The following HSPH1 variants were observed in gnomAD, a reference collection of about 807,000 sequenced individuals.
HSPH1 encodes the protein heat shock protein 105 kDa.
A neutral mutation model predicts 100.0 loss-of-function variants in HSPH1; 40 were observed. That is an observed-to-expected ratio of 0.40 (90% CI 0.31 to 0.52). HSPH1 has a LOEUF of 0.52. HSPH1 is among the 20% of genes least tolerant of loss of function. HSPH1 has a pLI of 0.54. For synonymous variants in HSPH1, 403 were observed against 344.0 expected (o/e 1.17, Z -1.90); for missense variants, 876 against 1,015.1 (o/e 0.86, Z 1.86).
chr13:31,155,526 T>G lies in HSPH1; in HGVS notation c.294A>C (p.Gly98=). ...SYDLVPLKNG[G]VGIKVMYMGE... is the part of the protein sequence containing the mutation. Reference sequence around the variant, plus strand: ...TCAATTATATTACCTTTATTCCAACTCCACCATTTTTCAATGGAACCAAAT... The same window carrying G: ...TCAATTATATTACCTTTATTCCAACGCCACCATTTTTCAATGGAACCAAAT... Residue 98 remains glycine, a synonymous_variant, in exon 3 of 18, where the codon GGA becomes GGC. Coordinates refer to ENST00000320027, the MANE Select transcript of HSPH1 (RefSeq NM_006644.4). 1 of 1,610,226 alleles carries G rather than the reference T, an allele frequency of 6.2e-7. No individual in the cohort carries two copies. Among genetic ancestry groups the G allele is most frequent in the Non-Finnish European group, 8.5e-7 (1 of 1,178,042 alleles).
At chr13:31,162,112 T>TC (rs1956947539), upstream of HSPH1, 5 of 1,535,226 alleles carry the variant, frequency 3.3e-6, no homozygotes, top group Admixed American at 9.8e-5. Context: ...ACAGGGCCGC[T>TC]CCCGTGCCAT....
chr13:31,159,931 G>A (rs1425612696), intron 1 of HSPH1, among the ~76,000 whole-genome samples: 1 of 151,932 alleles, frequency 6.6e-6, no homozygotes, highest in African/African-American at 2.4e-5. Flanking sequence ...CCATACACTT[G>A]CAGAATGGAT....
chr13:31,149,920 T>G, intron 8 of HSPH1, 34 bp downstream of exon 8: 1 of 1,539,858 alleles, frequency 6.5e-7, no homozygotes, highest in Non-Finnish European at 9.0e-7. Flanking sequence ...GTTTAAAGAC[T>G]GTACACCAAG....
intron 2 of HSPH1, among the ~76,000 whole-genome samples, chr13:31,155,898 T>C (rs1956670400): frequency 6.6e-6 from 1 of 152,170 alleles, no homozygotes; most frequent in Admixed American, 6.5e-5. Flanking sequence ...CAAAATAGTG[T>C]GACGACAGAC....
chr13:31,135,780 G>A lies in HSPH1; in HGVS notation c.*1538C>T, dbSNP rs555241515. 1.2e-4 allele frequency: 19 copies of A among 152,318 alleles called. No individual in the cohort carries two copies. The highest frequency in any genetic ancestry group is 6.5e-4 in the Admixed American group (10 of 15,292). 9.4% of individuals were successfully genotyped at this position (152,318 alleles called of 1,614,324 possible). ...CCTCATAGTTTGAAGATATTACTCC[G>A]TGATGTGTGGAGCACAGAGTAGCTA... On this transcript the variant is annotated 3_prime_UTR_variant, in exon 18 of 18. Transcript: ENST00000320027.
chr13:31,145,729 C>G lies in HSPH1; in HGVS notation c.1418G>C (p.Gly473Ala). ...VVQNVSAQKD[G>A]EKSRVKVKVR... ...TTTGACTTTTACTCTAGATTTTTCTCCATCTTTCTGTGCAGAAACATTCTG... is the reference window on the plus strand; with the variant it reads ...TTTGACTTTTACTCTAGATTTTTCTGCATCTTTCTGTGCAGAAACATTCTG... The change falls in exon 11 of 18, where the codon GGA (glycine) becomes GCA (alanine). Residue 473 changes from glycine to alanine, a missense_variant. Coordinates refer to ENST00000320027, the MANE Select transcript of HSPH1 (RefSeq NM_006644.4). 1 of 1,613,580 alleles carries G rather than the reference C, an allele frequency of 6.2e-7. No individual in the cohort carries two copies. Among genetic ancestry groups the G allele is most frequent in the South Asian group, 1.1e-5 (1 of 91,082 alleles).
intron 3 of HSPH1, 142 bp downstream of exon 3, chr13:31,155,372 C>G (rs1265254988): frequency 1.7e-6 from 1 of 579,480 alleles, no homozygotes; most frequent in Non-Finnish European, 3.0e-6. Flanking sequence ...CGTCTATCTA[C>G]TATACTTTAA....
At chr13:31,141,581 G>T (rs561510760) in intron 12 of HSPH1, among the ~76,000 whole-genome samples, 2 of 152,064 alleles carry the variant, frequency 1.3e-5, no homozygotes, top group South Asian at 4.1e-4. Context: ...GTCAAAAAGT[G>T]AAAATTACTA....
At chr13:31,145,261 C>G (rs1352594304) in intron 11 of HSPH1, among the ~76,000 whole-genome samples, 1 of 152,102 alleles carries the variant, frequency 6.6e-6, no homozygotes, top group Admixed American at 6.6e-5. Context: ...AGTCAACATT[C>G]GACTTCTCAA....
At position 31,140,317 on chromosome 13, in the gene HSPH1, G is replaced by A. The variant is rs766667127; in HGVS notation, c.1855-8C>T. On this transcript the variant is annotated splice_polypyrimidine_tract_variant and splice_region_variant and intron_variant, in intron 13 of 17. Coordinates refer to ENST00000320027, the MANE Select transcript of HSPH1 (RefSeq NM_006644.4). ...TTGCATTATCATCTTACCCTGTCAG[G>A]AAACAGGAAAGGTTAATTCCAGTCT... 2.5e-6 allele frequency: 4 copies of A among 1,605,684 alleles called. No homozygotes were observed. The highest frequency in any genetic ancestry group is 3.4e-6 in the Non-Finnish European group (4 of 1,176,458).
At chr13:31,144,260 AT>A (rs1402545928) in intron 11 of HSPH1, among the ~76,000 whole-genome samples, 1 of 152,174 alleles carries the variant, frequency 6.6e-6, no homozygotes, top group Non-Finnish European at 1.5e-5. Flanking sequence ...CTGGAAATAG[AT>A]TACTCCAGGC....
At position 31,155,593 on chromosome 13, in the gene HSPH1, T is replaced by A; in HGVS notation, c.227A>T (p.Asn76Ile). 3.1e-6 allele frequency: 5 copies of A among 1,611,738 alleles called. No individual in the cohort carries two copies. Among genetic ancestry groups the A allele is most frequent in the Non-Finnish European group, 4.2e-6 (5 of 1,178,194 alleles). The stretch of plus-strand genomic sequence containing the variant: ...CTTCTCCTTTTGAATGAAGGGGTCA[T>A]TGAATGCTCGGCCATGAAATCTTTT... ...NFKRFHGRAF[N>I]DPFIQKEKEN... Residue 76 changes from asparagine (N) to isoleucine (I), a missense_variant, in exon 3 of 18, where the codon AAT becomes ATT. By Grantham distance (149) the Asn-to-Ile change is moderately radical. Coordinates refer to ENST00000320027, the MANE Select transcript of HSPH1 (RefSeq NM_006644.4).
rs1354249908 is a variant in HSPH1, at chr13:31,137,406, T to C, written c.2489A>G (p.Asp830Gly). Residue 830 changes from aspartate to glycine, a missense_variant, in exon 18 of 18, where the codon GAC (aspartate) becomes GGC (glycine). Asp to Gly is a moderately conservative substitution (Grantham distance 94). Transcript: ENST00000320027. ...AGGTTCAGCACCAAAATTGTTTTTG[T>C]CTTCTAAATCTTCTTCCTTTTTATC... ...NIDKKEEDLE[D>G]KNNFGAEPPH... is the part of the protein sequence containing the mutation. 1 of 1,613,520 alleles carries C rather than the reference T, an allele frequency of 6.2e-7. No individual in the cohort carries two copies. Among genetic ancestry groups the C allele is most frequent in the African/African-American group, 1.3e-5 (1 of 75,000 alleles).
chr13:31,154,923 G>A (rs1046374850), intron 3 of HSPH1, among the ~76,000 whole-genome samples, 168 bp from the exon 4 acceptor site: 1 of 151,904 alleles, frequency 6.6e-6, no homozygotes, highest in African/African-American at 2.4e-5. Context: ...GGGGAAGGAG[G>A]GAAGGGGGAG....
chr13:31,158,974 G>A (rs1956802033), intron 1 of HSPH1, 111 bp from the exon 2 acceptor site: 2 of 684,594 alleles, frequency 2.9e-6, no homozygotes, highest in Admixed American at 2.3e-5. Flanking sequence ...TAGGGAACAA[G>A]CATAGCACAA....
At position 31,161,903 on chromosome 13, in the gene HSPH1, C is replaced by T. The variant is rs879413904; in HGVS notation, c.-321G>A. 2 of 1,504,942 alleles carry T rather than the reference C, an allele frequency of 1.3e-6. No homozygotes were observed. The highest frequency in any genetic ancestry group is 1.8e-6 in the Non-Finnish European group (2 of 1,127,928). 93.2% of individuals were successfully genotyped at this position (1,504,942 alleles called of 1,614,324 possible). A position where few individuals can be genotyped will look rare whatever the true frequency, so the allele number is the denominator to read the frequency against. ...CCGGCGCCGGCGCTGAACTACCGAC[C>T]CAAAAGGGGAGGTCCCACTTCCTCA... On this transcript the variant is annotated 5_prime_UTR_variant, in exon 1 of 18. Transcript: ENST00000320027.
In HSPH1 at chr13:31,151,012, G is replaced by A. The variant is rs1956467072; in HGVS notation, c.843C>T (p.Ser281=). ...EKLKKLMSSN[S]TDLPLNIECF... Reference sequence around the variant, plus strand: ...ATTCGATATTCAGTGGAAGGTCTGTGCTGTTAGAGCTCATTAGCTTTTTCA... The same window carrying A: ...ATTCGATATTCAGTGGAAGGTCTGTACTGTTAGAGCTCATTAGCTTTTTCA... The change falls in exon 7 of 18, where the codon AGC becomes AGT. Residue 281 remains serine (S), a synonymous_variant. Coordinates refer to ENST00000320027, the MANE Select transcript of HSPH1 (RefSeq NM_006644.4). 6.2e-7 allele frequency: 1 copy of A among 1,613,406 alleles called. No homozygotes were observed. The highest frequency in any genetic ancestry group is 8.5e-7 in the Non-Finnish European group (1 of 1,179,472).
upstream of HSPH1, chr13:31,162,017 G>C: frequency 2.0e-6 from 3 of 1,536,096 alleles, no homozygotes; most frequent in South Asian, 2.4e-5. Flanking sequence ...TGCCACTTCC[G>C]CTTCCTTCTT....
Position 31,161,819 on chromosome 13 carries a change from G to A in HSPH1, c.-237C>T. ...AAACCCTGGGAGAAAGCGGGGCTCA[G>A]CCTCCGCAGGTCGCTCCGCACCTCG... On this transcript the variant is annotated 5_prime_UTR_variant, in exon 1 of 18. Coordinates refer to ENST00000320027, the MANE Select transcript of HSPH1 (RefSeq NM_006644.4). 1.4e-6 allele frequency: 2 copies of A among 1,478,410 alleles called. No individual in the cohort carries two copies. Among genetic ancestry groups the A allele is most frequent in the Non-Finnish European group, 1.8e-6 (2 of 1,115,912 alleles). 91.6% of individuals were successfully genotyped at this position (1,478,410 alleles called of 1,614,324 possible). A position where few individuals can be genotyped will look rare whatever the true frequency, so the allele number is the denominator to read the frequency against.
Sources: allele counts gnomAD v4.1 joint callset (sites outside exome capture counted in the v4.1 genomes callset), GRCh38; gene constraint gnomAD v4.1.1; transcripts MANE v1.5; gene names NCBI Gene and HGNC (gene_info 2026-07-23, HGNC 2026-07-21).